ANKS1B: variants seen among roughly 807,000 people sequenced by gnomAD.
The protein encoded by ANKS1B is ankyrin repeat and sterile alpha motif domain containing 1B.
ANKS1B carries 36 observed loss-of-function variants against 148.3 expected under a neutral mutation model. The observed-to-expected ratio is 0.24, with a 90% CI of 0.19 to 0.32. The LOEUF (loss-of-function observed/expected upper bound fraction) is 0.32, where lower values mean the gene tolerates loss of function less well. ANKS1B is among the 10% of genes least tolerant of loss of function. ANKS1B has a pLI of 1.00. For synonymous variants in ANKS1B, 542 were observed against 560.8 expected, an observed-to-expected ratio of 0.97 and a Z score of 0.47; for missense variants, 1,157 against 1,542.6, an observed-to-expected ratio of 0.75 and a Z score of 4.19.
intron 14 of ANKS1B, among the ~76,000 whole-genome samples, chr12:99,236,973 G>A (rs1407527032): frequency 1.3e-5 from 2 of 152,122 alleles, no homozygotes; most frequent in African/African-American, 2.4e-5. Context: ...GGAGGAGGGA[G>A]AGAGTCAGGA....
At chr12:99,622,911 A>C (rs566729266) in intron 9 of ANKS1B, among the ~76,000 whole-genome samples, 1 of 152,098 alleles carries the variant, frequency 6.6e-6, no homozygotes, top group South Asian at 2.1e-4. Context: ...CAGTATCACC[A>C]TGATACCAAA....
intron 17 of ANKS1B, among the ~76,000 whole-genome samples, chr12:99,015,066 G>A (rs899639511): frequency 2.6e-5 from 4 of 152,008 alleles, no homozygotes; most frequent in East Asian, 1.9e-4. Context: ...ACACGTGCAC[G>A]TTGCATGTGT....
intron 11 of ANKS1B, among the ~76,000 whole-genome samples, chr12:99,429,076 G>A (rs369552523): frequency 6.6e-6 from 1 of 152,136 alleles, no homozygotes; most frequent in East Asian, 1.9e-4. Context: ...TGAACGTTTT[G>A]TGAGGAATGG....
chr12:99,561,173 G>T (rs1475161647), intron 9 of ANKS1B, among the ~76,000 whole-genome samples: 2 of 152,112 alleles, frequency 1.3e-5, no homozygotes, highest in African/African-American at 4.8e-5. Flanking sequence ...AGACAACAAT[G>T]AACTTTGCCA....
chr12:99,680,520 T>C (rs1244226478), intron 8 of ANKS1B, among the ~76,000 whole-genome samples: 1 of 151,342 alleles, frequency 6.6e-6, no homozygotes, highest in Admixed American at 6.6e-5. Context: ...CTCACAGGGG[T>C]CTGTGGGAGG....
rs563231921 is a variant in ANKS1B, at chr12:98,759,970, A to G, written c.3580-8448T>C. Among the ~76,000 whole-genome samples, 628 of 151,864 alleles carry G rather than the reference A, an allele frequency of 4.1e-3. 1 individual carries two copies. Among genetic ancestry groups the G allele is most frequent in the Non-Finnish European group, 6.7e-3 (452 of 67,850 alleles). On this transcript the variant is annotated intron_variant, in intron 25 of 26. Transcript: ENST00000683438. ...ATTCCAGCCTGGGTGACAGAGTGAG[A>G]CTCCGTCTAAAAATAAATAAATAAA... is the stretch of plus-strand genomic sequence containing the variant.
At chr12:99,230,039 T>C (rs527504053) in intron 14 of ANKS1B, among the ~76,000 whole-genome samples, 2 of 152,088 alleles carry the variant, frequency 1.3e-5, no homozygotes, top group Non-Finnish European at 2.9e-5. Flanking sequence ...AAAAAAGTCA[T>C]CTGTTAAGAT....
At chr12:98,984,972 C>T (rs2099922406) in intron 17 of ANKS1B, among the ~76,000 whole-genome samples, 1 of 152,146 alleles carries the variant, frequency 6.6e-6, no homozygotes, top group South Asian at 2.1e-4. Context: ...GATTGTGCCA[C>T]TGTACTTCAA....
At chr12:99,785,601 T>C (rs2064933591) in intron 4 of ANKS1B, among the ~76,000 whole-genome samples, 1 of 151,968 alleles carries the variant, frequency 6.6e-6, no homozygotes, top group African/African-American at 2.4e-5. Context: ...CCCAGCTAAT[T>C]TTTGTATGTT....
In ANKS1B at chr12:99,652,022, AAAATGTATATATATAAACATGTTAT is replaced by A. The variant is rs1329505545; in HGVS notation, c.1272+3020_1272+3044del. On this transcript the variant is annotated intron_variant, in intron 9 of 26. Coordinates refer to ENST00000683438, the MANE Select transcript of ANKS1B (RefSeq NM_001352186.2). ...AAATTCTTTAATATATTTTGCAATGAAAATGTATATATATAAACATGTTATATATACATAAAACATGTTTACATGT... is the reference window on the plus strand; with the variant it reads ...AAATTCTTTAATATATTTTGCAATGAATATACATAAAACATGTTTACATGT... Among the ~76,000 whole-genome samples, 395 of 151,564 alleles carry A rather than the reference AAAATGTATATATATAAACATGTTAT, an allele frequency of 2.6e-3. 3 individuals are homozygous for A. Among genetic ancestry groups the A allele is most frequent in the Middle Eastern group, 6.9e-3 (2 of 290 alleles).
chr12:99,690,714 C>T (rs1282319357), intron 8 of ANKS1B, among the ~76,000 whole-genome samples: 1 of 152,214 alleles, frequency 6.6e-6, no homozygotes, highest in Admixed American at 6.5e-5. Flanking sequence ...GTACAGCCCC[C>T]ATACTGGCTG....
At chr12:99,461,044 A>G (rs571131783) in intron 10 of ANKS1B, among the ~76,000 whole-genome samples, 1 of 149,506 alleles carries the variant, frequency 6.7e-6, no homozygotes, top group African/African-American at 2.5e-5. Context: ...GTGGATATAT[A>G]CATGTATATA....
intron 17 of ANKS1B, among the ~76,000 whole-genome samples, chr12:99,017,401 A>G (rs2099943181): frequency 6.6e-6 from 1 of 152,220 alleles, no homozygotes; most frequent in Non-Finnish European, 1.5e-5. Context: ...CTTACAGATC[A>G]GGAATCATGT....
At chr12:99,544,944 A>T (rs555252332) in intron 9 of ANKS1B, among the ~76,000 whole-genome samples, 8 of 152,280 alleles carry the variant, frequency 5.3e-5, no homozygotes, top group Admixed American at 1.3e-4. Context: ...TTATTGGATT[A>T]TTCTTAAAAC....
chr12:99,551,048 A>T (rs1446676930), intron 9 of ANKS1B, among the ~76,000 whole-genome samples: 1 of 152,162 alleles, frequency 6.6e-6, no homozygotes, highest in African/African-American at 2.4e-5. Context: ...CTTAGACTCC[A>T]TAATTAACCC....
At chr12:99,661,677 T>C (rs373428047) in intron 8 of ANKS1B, among the ~76,000 whole-genome samples, 4 of 152,324 alleles carry the variant, frequency 2.6e-5, no homozygotes, top group African/African-American at 9.6e-5. Flanking sequence ...CTATTAGTCA[T>C]CTCCCAATAT....
intron 1 of ANKS1B, among the ~76,000 whole-genome samples, chr12:99,892,560 C>G (rs1008141139): frequency 1.6e-4 from 24 of 152,134 alleles, no homozygotes; most frequent in African/African-American, 5.6e-4. Flanking sequence ...CTGATTTACA[C>G]AACAAAAATC....
intron 16 of ANKS1B, 31 bp from the exon 17 acceptor site, chr12:99,053,340 A>T: frequency 6.6e-7 from 1 of 1,523,744 alleles, no homozygotes. Context: ...TTAGGATTAA[A>T]CTGTATACTT....
intron 17 of ANKS1B, among the ~76,000 whole-genome samples, chr12:99,004,199 T>C (rs912113360): frequency 1.3e-5 from 2 of 152,138 alleles, no homozygotes; most frequent in Non-Finnish European, 2.9e-5. Flanking sequence ...TCCCAGCTGA[T>C]TGTTATATGA....
Sources: gnomAD v4.1 joint callset for allele counts (sites outside exome capture counted in the v4.1 genomes callset) on GRCh38, gnomAD v4.1.1 for gene constraint, MANE v1.5 for transcripts, NCBI Gene and HGNC (gene_info 2026-07-23, HGNC 2026-07-21) for gene names.